Variants in BLTP3B observed in about 807,000 individuals in gnomAD.
BLTP3B encodes the protein UHRF1 (ICBP90) binding protein 1-like.
At chr12:100,043,335 A>G in the BLTP3B span, among the ~76,000 whole-genome samples, 1 of 152,166 alleles carries the variant, frequency 6.6e-6, no homozygotes, top group Non-Finnish European at 1.5e-5. Flanking sequence ...CCACTTGTGA[A>G]AACGCTATTC....
the BLTP3B span, chr12:100,059,367 C>A: frequency 6.2e-7 from 1 of 1,613,812 alleles, no homozygotes; most frequent in Non-Finnish European, 8.5e-7. Context: ...ATATGTTTTA[C>A]TAAAAAAATC....
chr12:100,114,822 A>C, the BLTP3B span, among the ~76,000 whole-genome samples: 1 of 152,146 alleles, frequency 6.6e-6, no homozygotes, highest in Non-Finnish European at 1.5e-5. Context: ...AAAACTAAGA[A>C]ACAGATCAAG....
At chr12:100,042,118 T>C in the BLTP3B span, among the ~76,000 whole-genome samples, 12 of 152,130 alleles carry the variant, frequency 7.9e-5, no homozygotes, top group Admixed American at 6.5e-5. Context: ...TAGATCTAAA[T>C]AGATGGAAAA....
chr12:100,089,652 T>G, the BLTP3B span, among the ~76,000 whole-genome samples: 1 of 152,224 alleles, frequency 6.6e-6, no homozygotes, highest in Non-Finnish European at 1.5e-5. Context: ...AGTAAATATC[T>G]GAAGTTATAT....
the BLTP3B span, chr12:100,095,672 T>C: frequency 6.2e-7 from 1 of 1,608,014 alleles, no homozygotes; most frequent in Non-Finnish European, 8.5e-7. Flanking sequence ...CTTACCTGTG[T>C]AGGTTCAGGA....
At chr12:100,142,793 C>T in the BLTP3B span, 1 of 1,091,840 alleles carries the variant, frequency 9.2e-7, no homozygotes. Context: ...CCACAGCCGC[C>T]GCCGAGAACC....
chr12:100,138,369 C>T, the BLTP3B span, among the ~76,000 whole-genome samples: 10 of 152,166 alleles, frequency 6.6e-5, no homozygotes, highest in Non-Finnish European at 1.5e-5. Flanking sequence ...AGCACAGAAC[C>T]CTAGCTCAAT....
the BLTP3B span, among the ~76,000 whole-genome samples, chr12:100,081,295 T>C: frequency 1.3e-4 from 20 of 152,214 alleles, no homozygotes; most frequent in Admixed American, 1.3e-4. Flanking sequence ...GTGACTACAA[T>C]GGATGTGACT....
At chr12:100,060,103 G>A in the BLTP3B span, 2 of 1,295,710 alleles carry the variant, frequency 1.5e-6, no homozygotes. Context: ...TCTTCCCTGA[G>A]AACAAAAAAT....
the BLTP3B span, among the ~76,000 whole-genome samples, chr12:100,048,769 T>TGA: frequency 1.3e-3 from 93 of 72,828 alleles, no homozygotes; most frequent in African/African-American, 2.6e-3. Flanking sequence ...AGAGTGAGAG[T>TGA]GAGTGTGTGT....
the BLTP3B span, chr12:100,037,388 T>A: frequency 5.1e-6 from 6 of 1,179,070 alleles, no homozygotes; most frequent in African/African-American, 9.7e-5. Flanking sequence ...ACACTATGTG[T>A]TGACTTCCCT....
chr12:100,051,211 C>T, the BLTP3B span: 2 of 1,609,748 alleles, frequency 1.2e-6, no homozygotes, highest in Non-Finnish European at 1.7e-6. Flanking sequence ...TAGTTGAGTT[C>T]TTTTTATTTC....
At chr12:100,049,516 T>C in the BLTP3B span, among the ~76,000 whole-genome samples, 1 of 152,176 alleles carries the variant, frequency 6.6e-6, no homozygotes, top group African/African-American at 2.4e-5. Flanking sequence ...TAGGTCTCCA[T>C]TCACAATTCC....
chr12:100,098,943 C>T, the BLTP3B span, among the ~76,000 whole-genome samples: 9 of 119,886 alleles, frequency 7.5e-5, no homozygotes, highest in South Asian at 2.5e-4. Context: ...GACAGACAGA[C>T]ACATAGATAC....
chr12:100,068,260 T>C, the BLTP3B span, among the ~76,000 whole-genome samples: 508 of 152,274 alleles, frequency 3.3e-3, 2 homozygotes, highest in African/African-American at 0.012. Context: ...GGACACACTT[T>C]TCAACAAATG....
chr12:100,085,963 A>C, the BLTP3B span, among the ~76,000 whole-genome samples: 3 of 152,098 alleles, frequency 2.0e-5, no homozygotes, highest in Non-Finnish European at 2.9e-5. Context: ...TTTTGGTCAC[A>C]ACTAACAAAA....
At chr12:100,131,894 A>G in the BLTP3B span, among the ~76,000 whole-genome samples, 1 of 152,176 alleles carries the variant, frequency 6.6e-6, no homozygotes, top group African/African-American at 2.4e-5. Context: ...GGCTCAAGCA[A>G]TTCTCCTGCC....
At chr12:100,116,462 A>AG in the BLTP3B span, among the ~76,000 whole-genome samples, 4 of 151,184 alleles carry the variant, frequency 2.6e-5, no homozygotes, top group African/African-American at 4.9e-5. Flanking sequence ...AAAAAAAAAA[A>AG]AAAAGAAAAG....
the BLTP3B span, chr12:100,059,641 A>G: frequency 5.5e-6 from 7 of 1,271,664 alleles, no homozygotes; most frequent in South Asian, 1.1e-4. Flanking sequence ...TTTCCCCCAA[A>G]ATACTACTTT....
Sources: gnomAD v4.1 joint callset for allele counts (sites outside exome capture counted in the v4.1 genomes callset) on GRCh38, gnomAD v4.1.1 for gene constraint, MANE v1.5 for transcripts, NCBI Gene and HGNC (gene_info 2026-07-23, HGNC 2026-07-21) for gene names.